PALM2AKAP2: variants seen among roughly 807,000 people sequenced by gnomAD.
The protein encoded by PALM2AKAP2 is PALM2-AKAP2 fusion protein.
PALM2AKAP2 carries 37 observed loss-of-function variants against 71.5 expected under a neutral mutation model. The ratio of observed to expected loss-of-function variants is 0.52; its 90% CI spans 0.40 to 0.68. The LOEUF (loss-of-function observed/expected upper bound fraction) is 0.68. Ranked by LOEUF, PALM2AKAP2 falls within the 30% of genes least tolerant of loss-of-function variation. PALM2AKAP2 has a pLI of 0.00. For missense variants in PALM2AKAP2, 1,224 were observed against 1,191.8 expected (o/e 1.03, Z -0.40); for synonymous variants, 468 against 478.8 (o/e 0.98, Z 0.29).
At chr9:109,743,932 TG>T (rs1828759374) in intron 1 of PALM2AKAP2, among the ~76,000 whole-genome samples, 1 of 152,238 alleles carries the variant, frequency 6.6e-6, no homozygotes, top group African/African-American at 2.4e-5. Flanking sequence ...TTATTGAGTA[TG>T]TGGATGTTCT....
At chr9:110,019,300 A>G (rs1833033539) in intron 7 of PALM2AKAP2, among the ~76,000 whole-genome samples, 1 of 152,000 alleles carries the variant, frequency 6.6e-6, no homozygotes, top group South Asian at 2.1e-4. Context: ...GGCCATTATT[A>G]AAAAGGCAAA....
intron 1 of PALM2AKAP2, among the ~76,000 whole-genome samples, chr9:109,772,598 T>C (rs754668370): frequency 6.6e-6 from 1 of 152,202 alleles, no homozygotes; most frequent in Non-Finnish European, 1.5e-5. Context: ...TAATTAGATA[T>C]GTAGATCAGA....
chr9:110,016,890 T>C (rs116117961), intron 7 of PALM2AKAP2, among the ~76,000 whole-genome samples: 3,011 of 152,206 alleles, frequency 0.02, 102 homozygotes, highest in African/African-American at 0.069. Flanking sequence ...AGATATTTCT[T>C]TTTTTTTGAG....
At chr9:109,779,827 G>T (rs756907598), upstream of PALM2AKAP2, among the ~76,000 whole-genome samples, 1 of 152,166 alleles carries the variant, frequency 6.6e-6, no homozygotes, top group Non-Finnish European at 1.5e-5. Flanking sequence ...AAGGTGCCCT[G>T]AACACTCGGT....
chr9:110,032,753 A>C (rs1833308413), intron 7 of PALM2AKAP2, among the ~76,000 whole-genome samples: 1 of 145,122 alleles, frequency 6.9e-6, no homozygotes, highest in Non-Finnish European at 1.5e-5. Flanking sequence ...ATAAAAAATA[A>C]AAAAACAAAA....
intron 1 of PALM2AKAP2, among the ~76,000 whole-genome samples, chr9:110,120,674 T>C (rs1211397359): frequency 3.9e-5 from 6 of 152,210 alleles, no homozygotes; most frequent in Non-Finnish European, 1.5e-5. Flanking sequence ...CGGCTAATTT[T>C]TGTATTTTTG....
At chr9:109,703,627 C>T (rs984390632) in intron 1 of PALM2AKAP2, among the ~76,000 whole-genome samples, 6 of 151,532 alleles carry the variant, frequency 4.0e-5, no homozygotes, top group Admixed American at 6.6e-5. Flanking sequence ...TTGGAATCAC[C>T]GAGAATAACT....
chr9:110,034,599 T>C (rs932150510), intron 7 of PALM2AKAP2, among the ~76,000 whole-genome samples: 1 of 148,782 alleles, frequency 6.7e-6, no homozygotes, highest in African/African-American at 2.5e-5. Flanking sequence ...AAGCCATATA[T>C]TCCCCTTTTT....
At chr9:110,106,132 A>C (rs902886332) in intron 1 of PALM2AKAP2, among the ~76,000 whole-genome samples, 1 of 152,220 alleles carries the variant, frequency 6.6e-6, no homozygotes. Context: ...TGCATTGGTA[A>C]GAGTTGGCTT....
intron 6 of PALM2AKAP2, among the ~76,000 whole-genome samples, chr9:109,977,218 G>A (rs1223848919): frequency 2.0e-5 from 3 of 152,162 alleles, no homozygotes; most frequent in African/African-American, 7.2e-5. Flanking sequence ...CTGCACCAGG[G>A]AATACAAGTA....
chr9:110,163,578 A>G (rs1836658421), intron 3 of PALM2AKAP2, among the ~76,000 whole-genome samples: 1 of 152,224 alleles, frequency 6.6e-6, no homozygotes, highest in Admixed American at 6.5e-5. Context: ...AAATGTGTAT[A>G]TACATAAACA....
At chr9:109,923,615 G>A in intron 3 of PALM2AKAP2, 120 bp from the exon 4 acceptor site, 10 of 1,080,074 alleles carry the variant, frequency 9.3e-6, no homozygotes, top group South Asian at 6.4e-5. Context: ...TGGCTCCTCA[G>A]CGTAATGTAA....
At chr9:110,015,315 GAGA>G (rs1832958439) in intron 6 of PALM2AKAP2, among the ~76,000 whole-genome samples, 1 of 152,136 alleles carries the variant, frequency 6.6e-6, no homozygotes, top group African/African-American at 2.4e-5. Context: ...AGAGTTCGTG[GAGA>G]AGAACAGAAG....
chr9:110,106,456 T>C (rs867883709), intron 1 of PALM2AKAP2, among the ~76,000 whole-genome samples: 1 of 152,210 alleles, frequency 6.6e-6, no homozygotes, highest in African/African-American at 2.4e-5. Context: ...CTCAAGCTGG[T>C]CTTATCATTG....
intron 1 of PALM2AKAP2, among the ~76,000 whole-genome samples, chr9:110,135,638 G>A (rs553065887): frequency 6.6e-6 from 1 of 152,282 alleles, no homozygotes; most frequent in African/African-American, 2.4e-5. Context: ...TAGCCTGTGT[G>A]CTGCCATTAA....
chr9:110,166,890 A>T (rs1430223228), intron 3 of PALM2AKAP2, among the ~76,000 whole-genome samples: 1 of 152,168 alleles, frequency 6.6e-6, no homozygotes, highest in Non-Finnish European at 1.5e-5. Context: ...GTATTAGTCC[A>T]TTTTCATACT....
intron 1 of PALM2AKAP2, among the ~76,000 whole-genome samples, chr9:110,058,122 A>G (rs538161609): frequency 6.6e-6 from 1 of 152,308 alleles, no homozygotes; most frequent in South Asian, 2.1e-4. Context: ...ACCCTGGTCT[A>G]ATTGTCTAGA....
At chr9:109,889,528 C>G (rs1416081255) in intron 3 of PALM2AKAP2, among the ~76,000 whole-genome samples, 1 of 152,206 alleles carries the variant, frequency 6.6e-6, no homozygotes, top group Non-Finnish European at 1.5e-5. Context: ...TCTCTGGTCC[C>G]TGCCCTATCC....
intron 1 of PALM2AKAP2, among the ~76,000 whole-genome samples, chr9:109,802,977 A>C (rs780857443): frequency 1.3e-5 from 2 of 152,246 alleles, no homozygotes; most frequent in Admixed American, 6.5e-5. Context: ...CCAGTCTCTT[A>C]GCCTCATCAG....
Sources: gnomAD v4.1 joint callset for allele counts (sites outside exome capture counted in the v4.1 genomes callset) on GRCh38, gnomAD v4.1.1 for gene constraint, MANE v1.5 for transcripts, NCBI Gene and HGNC (gene_info 2026-07-23, HGNC 2026-07-21) for gene names.